Variants in DOCK1 observed in about 807,000 individuals in gnomAD.
DOCK1 encodes the protein dedicator of cytokinesis protein 1.
Under a neutral mutation model 262.7 loss-of-function variants are expected in DOCK1, and 138 were observed. The observed-to-expected ratio is 0.53, with a 90% confidence interval of 0.46 to 0.61. The LOEUF is 0.61. DOCK1 is among the 20% of genes least tolerant of loss of function. The pLI is 0.00. For synonymous variants in DOCK1, 866 were observed against 867.4 expected, an observed-to-expected ratio of 1.00 and a Z score of 0.03; for missense variants, 1,908 against 2,370.7, an observed-to-expected ratio of 0.80 and a Z score of 4.05.
chr10:127,409,265 T>C (rs2134376316), intron 41 of DOCK1, 48 bp from the exon 42 acceptor site: 1 of 1,612,802 alleles, frequency 6.2e-7, no homozygotes, highest in Non-Finnish European at 8.5e-7. Flanking sequence ...GCCTCTCTCA[T>C]GGTTGATGTC....
At chr10:126,951,031 G>C (rs1485330715) in intron 1 of DOCK1, among the ~76,000 whole-genome samples, 2 of 151,910 alleles carry the variant, frequency 1.3e-5, no homozygotes, top group Non-Finnish European at 2.9e-5. Flanking sequence ...TAGTATTGTT[G>C]GTAGTAGTAG....
intron 40 of DOCK1, among the ~76,000 whole-genome samples, chr10:127,407,050 A>G (rs1054715636): frequency 3.9e-5 from 6 of 151,918 alleles, no homozygotes; most frequent in African/African-American, 1.2e-4. Context: ...GTGGGGAGAA[A>G]TAGAGCATTT....
At position 127,362,090 on chromosome 10, in the gene DOCK1, G is replaced by C; in HGVS notation, c.3310G>C (p.Glu1104Gln). The C allele has an allele frequency of 6.2e-7, 1 of 1,612,274 alleles. No homozygotes were observed. Among genetic ancestry groups the C allele is most frequent in the Non-Finnish European group, 8.5e-7 (1 of 1,179,452 alleles). ...TCAACACAAGATAAAGTTCATTCCA[G>C]AAATGGTGGGCCCAATATTAGAAAT... ...LGQHKIKFIP[E>Q]MVGPILEMTL... The change falls in exon 33 of 52, where the codon GAA (glutamate) becomes CAA (glutamine). Residue 1104 changes from glutamate (E) to glutamine (Q), a missense_variant. Glu to Gln is a conservative substitution (Grantham distance 29). This residue lies in a region of DOCK1 where 518 missense variants were observed against 575.1 expected (regional missense o/e 0.90). Coordinates refer to ENST00000623213, the MANE Select transcript of DOCK1 (RefSeq NM_001290223.2).
In DOCK1 at chr10:127,023,218, T is replaced by C. The variant is rs1227645266; in HGVS notation, c.1346T>C (p.Ile449Thr). Residue 449 changes from isoleucine to threonine, a missense_variant, in exon 14 of 52, where the codon ATC becomes ACC. Coordinates refer to ENST00000623213, the MANE Select transcript of DOCK1 (RefSeq NM_001290223.2). ...IIMPGDVRND[I>T]YVTLVQGDFD... ...CCCTCAGGTGATGTTCGAAATGATA[T>C]CTATGTAACATTAGTTCAAGGAGAT... 3.7e-6 allele frequency: 6 copies of C among 1,613,930 alleles called. No individual in the cohort carries two copies. The highest frequency in any genetic ancestry group is 5.1e-6 in the Non-Finnish European group (6 of 1,179,862).
At chr10:127,223,889 G>C (rs993260717) in intron 27 of DOCK1, among the ~76,000 whole-genome samples, 1 of 152,148 alleles carries the variant, frequency 6.6e-6, no homozygotes, top group Non-Finnish European at 1.5e-5. Flanking sequence ...GTGGAGCTTG[G>C]TTACTTGTCT....
intron 27 of DOCK1, among the ~76,000 whole-genome samples, chr10:127,182,987 G>A (rs2055876524): frequency 6.7e-6 from 1 of 150,318 alleles, no homozygotes; most frequent in African/African-American, 2.4e-5. Context: ...TTTAGACTTA[G>A]TGGGAATCTC....
At chr10:127,137,795 T>G (rs1282892569) in intron 27 of DOCK1, 2 of 1,553,890 alleles carry the variant, frequency 1.3e-6, no homozygotes, top group African/African-American at 1.4e-5. Context: ...TAAACTCCAG[T>G]GGGTTCTAAA....
At chr10:127,229,172 C>T (rs1466932147) in intron 27 of DOCK1, among the ~76,000 whole-genome samples, 1 of 152,002 alleles carries the variant, frequency 6.6e-6, no homozygotes, top group Non-Finnish European at 1.5e-5. Flanking sequence ...TGCAGTGAGC[C>T]GAGATCGCAT....
chr10:127,378,462 C>T (rs924296087), intron 35 of DOCK1, among the ~76,000 whole-genome samples: 15 of 151,940 alleles, frequency 9.9e-5, no homozygotes, highest in African/African-American at 3.6e-4. Context: ...GTGGGAGCAC[C>T]GCGTGAACCT....
At position 127,248,118 on chromosome 10, in the gene DOCK1, C is replaced by T. The variant is rs142853867; in HGVS notation, c.2949+9C>T. 3.5e-5 allele frequency: 57 copies of T among 1,610,910 alleles called. No homozygotes were observed. In the African/African-American group the frequency reaches 6.5e-4, roughly 18 times the overall value. ...TGAGGACTGATGTGGTAGTAAGTGT[C>T]CCTTTCACCCTGTTCACATAACCAT... is the stretch of plus-strand genomic sequence containing the variant. On this transcript the variant is annotated intron_variant, in intron 28 of 51. Transcript: ENST00000623213.
rs531005818 is a variant in DOCK1, at chr10:127,028,573, G to A, written c.1624+2149G>A. Among the ~76,000 whole-genome samples the A allele has an allele frequency of 2.4e-4, 37 of 152,320 alleles. 1 individual carries two copies. In the South Asian group the frequency reaches 6.8e-3, roughly 28 times the overall value. On this transcript the variant is annotated intron_variant, in intron 16 of 51. Transcript: ENST00000623213. Reference sequence around the variant, plus strand: ...TTCTAAGCCAGGTCCTTGTGCCCGAGCCTTATGCTCCAATGCCTTGGGGGA... The same window carrying A: ...TTCTAAGCCAGGTCCTTGTGCCCGAACCTTATGCTCCAATGCCTTGGGGGA...
intron 36 of DOCK1, 26 bp downstream of exon 36, chr10:127,380,148 A>C (rs1038222034): frequency 7.0e-7 from 1 of 1,423,558 alleles, no homozygotes; most frequent in Non-Finnish European, 9.5e-7. Flanking sequence ...GCTTGTCTGC[A>C]TGTTAATTAT....
At chr10:127,421,240 C>A (rs1408230555) in intron 46 of DOCK1, among the ~76,000 whole-genome samples, 1 of 151,976 alleles carries the variant, frequency 6.6e-6, no homozygotes, top group Non-Finnish European at 1.5e-5. Context: ...ATTCTGACAT[C>A]CCAGCAGGGC....
chr10:127,347,652 C>G (rs1045009918), intron 31 of DOCK1, among the ~76,000 whole-genome samples: 2 of 150,398 alleles, frequency 1.3e-5, no homozygotes, highest in African/African-American at 2.5e-5. Flanking sequence ...TGACTTGGAG[C>G]CCCGTGGAGC....
At chr10:127,030,784 A>ATCTATC (rs1302078046) in intron 16 of DOCK1, among the ~76,000 whole-genome samples, 2 of 151,682 alleles carry the variant, frequency 1.3e-5, no homozygotes, top group African/African-American at 4.9e-5. Context: ...TTCTCTATCA[A>ATCTATC]TCTATCTCTA....
intron 23 of DOCK1, among the ~76,000 whole-genome samples, chr10:127,081,951 C>T (rs1001027575): frequency 5.3e-5 from 8 of 152,182 alleles, no homozygotes; most frequent in African/African-American, 1.9e-4. Context: ...TGGCGATGCT[C>T]ATACATGTGG....
rs867239807 is a variant in DOCK1, at chr10:127,347,890, T to C, written c.3224+4144T>C. On this transcript the variant is annotated intron_variant, in intron 31 of 51. Transcript: ENST00000623213. ...TTCCCTTCCCTTCCCTTCCCATCCC[T>C]TCCCTTCCCCCTTGCTAAGCCCTTG... is the stretch of plus-strand genomic sequence containing the variant. 3.0e-3 allele frequency among the ~76,000 whole-genome samples: 88 copies of C among 29,704 alleles called. 11 individuals are homozygous for C. Among genetic ancestry groups the C allele is most frequent in the African/African-American group, 6.1e-3 (36 of 5,928 alleles). The allele number at this position is 29,704 out of a possible 152,430, so 19.5% of individuals were successfully genotyped here. A position where few individuals can be genotyped will look rare whatever the true frequency, so the allele number is the denominator to read the frequency against.
rs748090333 is a variant in DOCK1 at position 127,362,158 on chromosome 10, C to T, written c.3378C>T (p.Pro1126=). ...CGGAGCTGCGCAAAGCCACCATCCC[C>T]ATCTTCTTTGATATGATGCAGTGTG... ...PETELRKATI[P]IFFDMMQCEF... The change falls in exon 33 of 52, where the codon CCC becomes CCT. Residue 1126 remains proline, a synonymous_variant. Transcript: ENST00000623213. 6.2e-7 allele frequency: 1 copy of T among 1,613,928 alleles called. No individual in the cohort carries two copies. The highest frequency in any genetic ancestry group is 8.5e-7 in the Non-Finnish European group (1 of 1,179,872).
chr10:127,076,361 C>T (rs758919284), intron 23 of DOCK1, among the ~76,000 whole-genome samples: 15 of 152,200 alleles, frequency 9.9e-5, no homozygotes, highest in South Asian at 4.1e-4. Flanking sequence ...ATTAGCTAGG[C>T]GTGGTGGCTG....
Sources: gnomAD v4.1 joint callset for allele counts (sites outside exome capture counted in the v4.1 genomes callset) on GRCh38, gnomAD v4.1.1 for gene constraint, gnomAD v4.1.1 regional missense constraint, MANE v1.5 for transcripts, NCBI Gene and HGNC (gene_info 2026-07-23, HGNC 2026-07-21) for gene names.